The following ZFHX3 variants were observed in gnomAD, a reference collection of about 807,000 sequenced individuals.
ZFHX3 encodes the protein zinc finger homeobox 3.
ZFHX3 carries 42 observed loss-of-function variants against 279.1 expected under a neutral mutation model. The ratio of observed to expected loss-of-function variants is 0.15; its 90% CI spans 0.12 to 0.19. The LOEUF is 0.19. Ranked by LOEUF, ZFHX3 falls within the 10% of genes least tolerant of loss-of-function variation. The probability of loss-of-function intolerance (pLI) is 1.00; values close to 1 mark genes in which losing one functional copy is unlikely to be tolerated. For synonymous variants in ZFHX3, 2,293 were observed against 1,957.8 expected (o/e 1.17, Z -4.52); for missense variants, 4,981 against 4,754.0 (o/e 1.05, Z -1.40).
intron 1 of ZFHX3, among the ~76,000 whole-genome samples, chr16:73,751,005 T>C (rs1331931501): frequency 6.6e-6 from 1 of 152,196 alleles, no homozygotes; most frequent in African/African-American, 2.4e-5. Context: ...CTGAGAAATA[T>C]CTAGAGTTGT....
intron 5 of ZFHX3, among the ~76,000 whole-genome samples, chr16:73,243,224 G>A (rs2144946284): frequency 6.6e-6 from 1 of 152,316 alleles, no homozygotes; most frequent in Non-Finnish European, 1.5e-5. Flanking sequence ...GGTGGGATGG[G>A]TGTCCCTTCG....
At chr16:73,313,905 C>T (rs993575829) in intron 4 of ZFHX3, among the ~76,000 whole-genome samples, 2 of 152,100 alleles carry the variant, frequency 1.3e-5, no homozygotes, top group African/African-American at 2.4e-5. Context: ...CTCAGGAGTT[C>T]GAGACCAGCT....
At position 73,119,223 on chromosome 16, in the gene ZFHX3, C is replaced by A. The variant is rs141494652; in HGVS notation, c.-897+11745G>T. On this transcript the variant is annotated intron_variant, in intron 7 of 17. Transcript: ENST00000641206. ...TGCTCAAGTGATCCTCCTGCCTCAG[C>A]CTCCTGAGTAGCTGGGACCATAGGT... Among the ~76,000 whole-genome samples, 368 of 152,272 alleles carry A rather than the reference C, an allele frequency of 2.4e-3. 2 individuals carry two copies. Among genetic ancestry groups the A allele is most frequent in the Non-Finnish European group, 2.1e-3 (146 of 68,034 alleles).
intron 2 of ZFHX3, among the ~76,000 whole-genome samples, chr16:73,519,591 G>A (rs954471149): frequency 2.6e-5 from 4 of 152,170 alleles, no homozygotes; most frequent in South Asian, 2.1e-4. Flanking sequence ...GGAGACCACC[G>A]TTCTCTGTCC....
In ZFHX3 at chr16:73,810,093, T is replaced by G. The variant is rs138657262; in HGVS notation, c.-1608+81558A>C. On this transcript the variant is annotated intron_variant, in intron 1 of 17. Transcript: ENST00000641206. ...AGTCCTGCCTGTTAGAGTCTATATA[T>G]GAGGCTTAATATTCAGTATTTATTT... Among the ~76,000 whole-genome samples the G allele has an allele frequency of 7.3e-3, 1,112 of 152,288 alleles. 8 individuals are homozygous for G. The highest frequency in any genetic ancestry group is 8.8e-3 in the Non-Finnish European group (596 of 68,024).
At chr16:72,865,875 G>C (rs2038007767) in intron 4 of ZFHX3, among the ~76,000 whole-genome samples, 1 of 152,138 alleles carries the variant, frequency 6.6e-6, no homozygotes, top group African/African-American at 2.4e-5. Context: ...CTCTGGAGTA[G>C]GGCTCCCCTT....
In ZFHX3 at chr16:73,621,622, G is replaced by C. The variant is rs796550240; in HGVS notation, c.-1547+58558C>G. On this transcript the variant is annotated intron_variant, in intron 2 of 17. Coordinates refer to the ZFHX3 transcript ENST00000641206. ...GTAACTCACCAAAGTTTGAACCACA[G>C]GGAGCTGCACACATCTCAGAAAAAC... Among the ~76,000 whole-genome samples the C allele has an allele frequency of 2.8e-4, 43 of 152,298 alleles. 1 individual carries two copies. Among genetic ancestry groups the C allele is most frequent in the African/African-American group, 1.0e-3 (43 of 41,576 alleles).
At chr16:72,946,747 C>T (rs1206721808) in intron 3 of ZFHX3, among the ~76,000 whole-genome samples, 2 of 152,218 alleles carry the variant, frequency 1.3e-5, no homozygotes, top group African/African-American at 4.8e-5. Flanking sequence ...GTGTCAGTGA[C>T]AGCCGCTCTC....
chr16:73,170,983 C>T (rs1394906912), intron 5 of ZFHX3, among the ~76,000 whole-genome samples: 2 of 152,050 alleles, frequency 1.3e-5, no homozygotes, highest in Admixed American at 6.6e-5. Flanking sequence ...CGACAGCGTG[C>T]GGCAGGGATT....
intron 7 of ZFHX3, among the ~76,000 whole-genome samples, chr16:72,810,173 C>T (rs938700169): frequency 5.3e-5 from 8 of 151,212 alleles, no homozygotes; most frequent in Admixed American, 2.0e-4. Context: ...TGTGAGACAC[C>T]GTGCCCAGCC....
chr16:72,926,182 C>G (rs553650961), intron 3 of ZFHX3, among the ~76,000 whole-genome samples: 1 of 152,290 alleles, frequency 6.6e-6, no homozygotes, highest in South Asian at 2.1e-4. Context: ...ATTCTAATGT[C>G]TTATCATTTT....
intron 1 of ZFHX3, among the ~76,000 whole-genome samples, chr16:73,754,004 G>GTGTGTGTGTGTC: frequency 6.6e-6 from 1 of 152,128 alleles, no homozygotes; most frequent in South Asian, 2.1e-4. Flanking sequence ...GTGTGTGTGT[G>GTGTGTGTGTGTC]TGTAAAATCT....
At chr16:73,472,785 C>T (rs1420585220) in intron 2 of ZFHX3, among the ~76,000 whole-genome samples, 1 of 152,144 alleles carries the variant, frequency 6.6e-6, no homozygotes, top group African/African-American at 2.4e-5. Context: ...GTGTCCCTTT[C>T]CCTGTGGTCA....
intron 4 of ZFHX3, among the ~76,000 whole-genome samples, chr16:72,840,614 G>A (rs1375755416): frequency 6.6e-6 from 1 of 152,220 alleles, no homozygotes; most frequent in African/African-American, 2.4e-5. Context: ...TGAGTCACAT[G>A]AGGATACAAA....
At chr16:73,301,432 G>A (rs773723283) in intron 4 of ZFHX3, among the ~76,000 whole-genome samples, 75 of 152,276 alleles carry the variant, frequency 4.9e-4, no homozygotes, top group Non-Finnish European at 9.6e-4. Flanking sequence ...TTTTACTGTA[G>A]GGGCTGTCTT....
At chr16:73,198,883 T>C (rs958901009) in intron 5 of ZFHX3, among the ~76,000 whole-genome samples, 10 of 152,196 alleles carry the variant, frequency 6.6e-5, no homozygotes, top group African/African-American at 1.9e-4. Context: ...CTCCTTTTTA[T>C]AAAAAATCAG....
At position 72,799,959 on chromosome 16, in the gene ZFHX3, T is replaced by G. The variant is rs946795943; in HGVS notation, c.3967+68A>C. ...GTATTGTAAAGAATTCCTGAAAACC[T>G]TTCTCCATGAACATTTTGGCATTCC... On this transcript the variant is annotated intron_variant, in intron 8 of 9. Transcript: ENST00000268489. The G allele has an allele frequency of 9.7e-6, 14 of 1,443,038 alleles. No homozygotes were observed. The African/African-American group carries it at 2.0e-4, about 20-fold the overall frequency. 89.4% of individuals were successfully genotyped at this position (1,443,038 alleles called of 1,614,324 possible).
intron 2 of ZFHX3, among the ~76,000 whole-genome samples, chr16:73,524,440 G>A (rs943939086): frequency 4.6e-5 from 7 of 152,142 alleles, no homozygotes; most frequent in Admixed American, 1.3e-4. Context: ...ACATATGCAC[G>A]GGATGAAAAC....
intron 5 of ZFHX3, among the ~76,000 whole-genome samples, chr16:73,170,064 A>G (rs903625728): frequency 2.6e-5 from 4 of 151,980 alleles, no homozygotes; most frequent in South Asian, 4.2e-4. Context: ...TCAATACCCA[A>G]TCTCCAGCAC....
Sources: allele counts gnomAD v4.1 joint callset (sites outside exome capture counted in the v4.1 genomes callset), GRCh38; gene constraint gnomAD v4.1.1; transcripts MANE v1.5; gene names NCBI Gene and HGNC (gene_info 2026-07-23, HGNC 2026-07-21).